Variants in KCNH2 observed in about 807,000 individuals in gnomAD.
The protein encoded by KCNH2 is voltage-gated inwardly rectifying potassium channel KCNH2.
In KCNH2, 35 loss-of-function variants were observed where a neutral mutation model predicts 95.9. The observed-to-expected ratio is 0.37, with a 90% confidence interval of 0.28 to 0.48. The LOEUF is 0.48. KCNH2 is among the 20% of genes least tolerant of loss of function. KCNH2 has a pLI of 0.99. For synonymous variants in KCNH2, 786 were observed against 754.7 expected (o/e 1.04, Z -0.68); for missense variants, 1,274 against 1,702.9 (o/e 0.75, Z 4.43).
intron 13 of KCNH2, 23 bp downstream of exon 13, chr7:150,947,305 C>A (rs1298800421): frequency 1.3e-6 from 2 of 1,530,104 alleles, no homozygotes; most frequent in Non-Finnish European, 8.8e-7. Context: ...GCGTGCCCCC[C>A]CACCCCACCT....
At chr7:150,958,624 C>T in intron 3 of KCNH2, 122 bp from the exon 4 acceptor site, 1 of 665,728 alleles carries the variant, frequency 1.5e-6, no homozygotes. Context: ...ACCCCCCATC[C>T]CCACTTCCAT....
intron 2 of KCNH2, among the ~76,000 whole-genome samples, chr7:150,965,742 C>T (rs1392840623): frequency 2.6e-5 from 4 of 152,234 alleles, no homozygotes; most frequent in Non-Finnish European, 5.9e-5. Flanking sequence ...CGGGCTTCCC[C>T]GTCCATCCGA....
intron 2 of KCNH2, among the ~76,000 whole-genome samples, chr7:150,960,866 C>G (rs1330512658): frequency 6.7e-6 from 1 of 149,854 alleles, no homozygotes; most frequent in Non-Finnish European, 1.5e-5. Context: ...TGCCCCACCG[C>G]CCCCCGCCCC....
At chr7:150,949,195 G>T (rs535122184) in intron 9 of KCNH2, 146 bp from the exon 10 acceptor site, 1 of 1,098,908 alleles carries the variant, frequency 9.1e-7, no homozygotes, top group East Asian at 2.6e-5. Context: ...ACACAACCGG[G>T]GAAGCAATCT....
At position 150,976,870 on chromosome 7, in the gene KCNH2, C is replaced by T. The variant is rs1439982884; in HGVS notation, c.76+968G>A. ...GATCATCTTGTTCCTCCGCTTCACA[C>T]AATACTGACCATCGGACTGACCCCT... On this transcript the variant is annotated intron_variant, in intron 1 of 14. Coordinates refer to ENST00000262186, the MANE Select transcript of KCNH2 (RefSeq NM_000238.4). Among the ~76,000 whole-genome samples the T allele has an allele frequency of 5.3e-5, 8 of 151,812 alleles. No individual in the cohort carries two copies. The East Asian group carries it at 1.6e-3, about 29-fold the overall frequency.
rs751253233 is a variant in KCNH2 at position 150,974,707 on chromosome 7, C to T, written c.307+4G>A. The T allele has an allele frequency of 8.2e-6, 13 of 1,589,428 alleles. No individual in the cohort carries two copies. The highest frequency in any genetic ancestry group is 9.4e-6 in the Non-Finnish European group (11 of 1,168,306). On this transcript the variant is annotated splice_donor_region_variant and intron_variant, in intron 2 of 14. Transcript: ENST00000262186. ...GTCGTGGCCCCGCCCCGGCCCGCTC[C>T]TACCATCTTTCCGGTAGAAGGCGAT... is the stretch of plus-strand genomic sequence containing the variant.
intron 2 of KCNH2, among the ~76,000 whole-genome samples, chr7:150,972,338 A>C (rs1801861964): frequency 6.6e-6 from 1 of 152,216 alleles, no homozygotes; most frequent in South Asian, 2.1e-4. Flanking sequence ...TGGCGCAGGC[A>C]TTCCTCACCT....
chr7:150,976,563 G>C (rs1391368220), intron 1 of KCNH2, among the ~76,000 whole-genome samples: 2 of 152,068 alleles, frequency 1.3e-5, no homozygotes, highest in African/African-American at 4.8e-5. Flanking sequence ...AAGTTTCTTC[G>C]AAGGCATGCC....
intron 3 of KCNH2, among the ~76,000 whole-genome samples, chr7:150,959,248 G>T (rs957829409): frequency 6.6e-6 from 1 of 152,184 alleles, no homozygotes; most frequent in African/African-American, 2.4e-5. Flanking sequence ...ACCCTGGGCT[G>T]CTCAAGCCAG....
rs1430639809 is a variant in KCNH2 at position 150,946,094 on chromosome 7, G to A, written c.3331-580C>T. On this transcript the variant is annotated intron_variant, in intron 14 of 14. Transcript: ENST00000262186. This position sits in a 1 kb window ranked among gnomAD's most constrained non-coding sequence, Gnocchi z 6.5. ...CGTGGGCCCTCGTGTCTGCAAACAG[G>A]AGCAGGCAGCATATGGGAGGGGGGA... Among the ~76,000 whole-genome samples, 2 of 152,128 alleles carry A rather than the reference G, an allele frequency of 1.3e-5. No homozygotes were observed. The highest frequency in any genetic ancestry group is 1.5e-5 in the Non-Finnish European group (1 of 68,016).
intron 11 of KCNH2, 80 bp from the exon 12 acceptor site, chr7:150,947,958 C>T (rs1277166485): frequency 4.1e-6 from 6 of 1,450,610 alleles, no homozygotes; most frequent in African/African-American, 1.4e-5. Context: ...GGGACAGGAG[C>T]GAGCCCGAGA....
In KCNH2 at chr7:150,946,828, G is replaced by A. The variant is rs532489197; in HGVS notation, c.3330+49C>T. ...AGCAAAGCAGGTTTGGGCTGGAATC[G>A]GGGAACAAGCGGGTCACGGTACATC... On this transcript the variant is annotated intron_variant, in intron 14 of 14. Coordinates refer to ENST00000262186, the MANE Select transcript of KCNH2 (RefSeq NM_000238.4). The surrounding 1 kb of genome is among the most constrained non-coding windows in gnomAD (Gnocchi z 6.5). 51 of 1,540,352 alleles carry A rather than the reference G, an allele frequency of 3.3e-5. 1 individual carries two copies. Among genetic ancestry groups the A allele is most frequent in the South Asian group, 7.1e-5 (6 of 84,666 alleles).
chr7:150,973,342 C>T, intron 2 of KCNH2, among the ~76,000 whole-genome samples: 1 of 152,220 alleles, frequency 6.6e-6, no homozygotes, highest in Admixed American at 6.5e-5. Flanking sequence ...CCGTTCCCAA[C>T]TGCTATTTTC....
At position 150,955,484 on chromosome 7, in the gene KCNH2, T is replaced by C. The variant is rs145819084; in HGVS notation, c.1128+1807A>G. ...CCGCAGAGCCCCTGTCCTGCTCGCC[T>C]TCCCGGCTGGGGCCGCCATGGAGGA... On this transcript the variant is annotated intron_variant, in intron 5 of 14. Coordinates refer to ENST00000262186, the MANE Select transcript of KCNH2 (RefSeq NM_000238.4). The C allele has an allele frequency of 1.3e-6, 2 of 1,551,334 alleles. No individual in the cohort carries two copies. Among genetic ancestry groups the C allele is most frequent in the African/African-American group, 2.7e-5 (2 of 73,126 alleles).
intron 2 of KCNH2, among the ~76,000 whole-genome samples, chr7:150,968,767 G>A (rs1161023283): frequency 6.6e-6 from 1 of 152,096 alleles, no homozygotes; most frequent in Non-Finnish European, 1.5e-5. Context: ...GGAGGGAAGG[G>A]GAGAGGCAGG....
intron 1 of KCNH2, 116 bp from the exon 2 acceptor site, chr7:150,975,057 C>G: frequency 2.3e-6 from 2 of 870,566 alleles, no homozygotes; most frequent in Admixed American, 5.2e-5. Flanking sequence ...CCACAGGAAG[C>G]ATGGCTGGGA....
At position 150,977,923 on chromosome 7, in the gene KCNH2, A is replaced by C; in HGVS notation, c.-10T>G. 5 of 1,577,812 alleles carry C rather than the reference A, an allele frequency of 3.2e-6. No homozygotes were observed. The highest frequency in any genetic ancestry group is 3.4e-6 in the Non-Finnish European group (4 of 1,162,972). ...CCCTCCGCACCGGCATCCTGAGCCCATGGGCGGGCCGGGCGGGCCCCCACC... is the reference window on the plus strand; with the variant it reads ...CCCTCCGCACCGGCATCCTGAGCCCCTGGGCGGGCCGGGCGGGCCCCCACC... On this transcript the variant is annotated 5_prime_UTR_variant, in exon 1 of 15. It removes an upstream start codon present in the reference 5' UTR. Transcript: ENST00000262186.
chr7:150,958,220 C>A lies in KCNH2; in HGVS notation c.755G>T (p.Arg252Leu). 1 of 1,371,508 alleles carries A rather than the reference C, an allele frequency of 7.3e-7. No individual in the cohort carries two copies. The highest frequency in any genetic ancestry group is 9.4e-7 in the Non-Finnish European group (1 of 1,065,626). 85.0% of individuals were successfully genotyped at this position (1,371,508 alleles called of 1,614,324 possible). A position where few individuals can be genotyped will look rare whatever the true frequency, so the allele number is the denominator to read the frequency against. Residue 252 changes from arginine (R) to leucine (L), a missense_variant, in exon 4 of 15, where the codon CGG (arginine) becomes CTG (leucine). Arg to Leu is a moderately radical substitution (Grantham distance 102). Coordinates refer to ENST00000262186, the MANE Select transcript of KCNH2 (RefSeq NM_000238.4). ...RSAPGQLPSP[R>L]AHSLNPDASG... ...GGCGTCGGGGTTGAGGCTGTGCGCC[C>A]GGGGCGATGGGAGCTGGCCGGGCGC...
chr7:150,948,370 C>T (rs1337790387), intron 11 of KCNH2, 74 bp downstream of exon 11: 12 of 1,239,234 alleles, frequency 9.7e-6, no homozygotes, highest in East Asian at 2.5e-5. Context: ...AAAGCAGACA[C>T]GGCCCACCCC....
Sources: gnomAD v4.1 joint callset for allele counts (sites outside exome capture counted in the v4.1 genomes callset) on GRCh38, gnomAD v4.1.1 for gene constraint, Gnocchi (gnomAD v3.1) non-coding constraint, MANE v1.5 for transcripts, NCBI Gene and HGNC (gene_info 2026-07-23, HGNC 2026-07-21) for gene names.